ROR2: variants seen among roughly 807,000 people sequenced by gnomAD.
The protein encoded by ROR2 is tyrosine-protein kinase transmembrane receptor ROR2.
In ROR2, 33 loss-of-function variants were observed where a neutral mutation model predicts 74.9. The ratio of observed to expected loss-of-function variants is 0.44; its 90% CI spans 0.33 to 0.59. The LOEUF (loss-of-function observed/expected upper bound fraction) is 0.59, where lower values mean the gene tolerates loss of function less well. Ranked by LOEUF, ROR2 falls within the 20% of genes least tolerant of loss-of-function variation. ROR2 has a pLI of 0.02. For missense variants in ROR2, 1,216 were observed against 1,313.8 expected, an observed-to-expected ratio of 0.93 and a Z score of 1.15; for synonymous variants, 586 against 558.7, an observed-to-expected ratio of 1.05 and a Z score of -0.69.
chr9:91,796,436 G>GGA (rs1316230299), intron 1 of ROR2, among the ~76,000 whole-genome samples: 89 of 87,716 alleles, frequency 1.0e-3, no homozygotes, highest in African/African-American at 3.0e-3. Flanking sequence ...TTGTCCCAAG[G>GGA]AAAAAAAAAA....
intron 1 of ROR2, among the ~76,000 whole-genome samples, chr9:91,860,577 G>A (rs914359509): frequency 3.3e-5 from 5 of 152,292 alleles, no homozygotes; most frequent in African/African-American, 7.2e-5. Flanking sequence ...CTGGAGACCC[G>A]GGGATGCCGG....
At chr9:91,848,240 C>T (rs147476285) in intron 1 of ROR2, among the ~76,000 whole-genome samples, 1 of 152,318 alleles carries the variant, frequency 6.6e-6, no homozygotes, top group African/African-American at 2.4e-5. Flanking sequence ...TCCTGCGAAT[C>T]CCCTACCTTG....
chr9:91,879,303 T>C (rs1305375624), intron 1 of ROR2, among the ~76,000 whole-genome samples: 1 of 152,194 alleles, frequency 6.6e-6, no homozygotes, highest in Admixed American at 6.5e-5. Context: ...AAAGTGATGA[T>C]GTCCTTATAA....
At chr9:91,857,408 G>A (rs913358505) in intron 1 of ROR2, among the ~76,000 whole-genome samples, 1 of 152,212 alleles carries the variant, frequency 6.6e-6, no homozygotes, top group Non-Finnish European at 1.5e-5. Context: ...GCTTCGGCAG[G>A]ATTTTTACAC....
At chr9:91,759,408 ACTT>A (rs1316301170) in intron 2 of ROR2, among the ~76,000 whole-genome samples, 1 of 152,212 alleles carries the variant, frequency 6.6e-6, no homozygotes, top group Non-Finnish European at 1.5e-5. Flanking sequence ...TATAGAAGGT[ACTT>A]CTTATTGACA....
intron 1 of ROR2, among the ~76,000 whole-genome samples, chr9:91,890,980 G>A (rs1830405851): frequency 6.6e-6 from 1 of 152,028 alleles, no homozygotes; most frequent in Non-Finnish European, 1.5e-5. Context: ...TCCCAGAATT[G>A]CTGTTGTTCT....
At chr9:91,775,909 CA>C in intron 1 of ROR2, 91 bp from the exon 2 acceptor site, 1 of 988,302 alleles carries the variant, frequency 1.0e-6, no homozygotes, top group Admixed American at 2.0e-5. Context: ...AGCATTCTAG[CA>C]AAACTACCCA....
At chr9:91,764,534 T>G (rs1466820470) in intron 2 of ROR2, among the ~76,000 whole-genome samples, 1 of 146,906 alleles carries the variant, frequency 6.8e-6, no homozygotes, top group Non-Finnish European at 1.5e-5. Flanking sequence ...ACAAAAGACT[T>G]TAAATGCTAT....
intron 1 of ROR2, among the ~76,000 whole-genome samples, chr9:91,801,839 C>A (rs562423619): frequency 2.9e-4 from 44 of 152,182 alleles, no homozygotes; most frequent in Non-Finnish European, 5.1e-4. Flanking sequence ...TGAACATGAA[C>A]GGGCGGGCTC....
chr9:91,814,080 T>C (rs1377438513), intron 1 of ROR2, among the ~76,000 whole-genome samples: 1 of 152,088 alleles, frequency 6.6e-6, no homozygotes, highest in Non-Finnish European at 1.5e-5. Context: ...CCCAGTTACT[T>C]AGGAGGCTAA....
chr9:91,866,690 T>A (rs1829645183), intron 1 of ROR2, among the ~76,000 whole-genome samples: 1 of 152,138 alleles, frequency 6.6e-6, no homozygotes, highest in African/African-American at 2.4e-5. Flanking sequence ...AAAATTTAAA[T>A]TTTAAAATTT....
chr9:91,908,558 C>T (rs1007258819), intron 1 of ROR2, among the ~76,000 whole-genome samples: 7 of 152,146 alleles, frequency 4.6e-5, no homozygotes, highest in Non-Finnish European at 8.8e-5. Context: ...CAGGTACTTA[C>T]ACTATAGGAG....
intron 1 of ROR2, among the ~76,000 whole-genome samples, chr9:91,940,182 G>A (rs938596579): frequency 2.6e-5 from 4 of 152,248 alleles, no homozygotes; most frequent in Non-Finnish European, 5.9e-5. Context: ...ATTTCCAGCA[G>A]GGCTGGGTAT....
intron 4 of ROR2, 186 bp downstream of exon 4, chr9:91,755,885 C>A: frequency 1.5e-6 from 1 of 662,356 alleles, no homozygotes. Context: ...TTTTTCTGTA[C>A]AAGAAACATG....
intron 2 of ROR2, among the ~76,000 whole-genome samples, chr9:91,770,488 A>T (rs1826194087): frequency 2.6e-5 from 4 of 152,192 alleles, no homozygotes; most frequent in Admixed American, 2.6e-4. Context: ...TATTCTAAGG[A>T]AACAACAAGC....
chr9:91,748,713 T>C (rs1212971257), intron 4 of ROR2, among the ~76,000 whole-genome samples: 1 of 152,168 alleles, frequency 6.6e-6, no homozygotes, highest in African/African-American at 2.4e-5. Context: ...CGGGTCGTCA[T>C]GGAGAAAATT....
chr9:91,897,882 C>T (rs1830575193), intron 1 of ROR2, among the ~76,000 whole-genome samples: 2 of 152,162 alleles, frequency 1.3e-5, no homozygotes, highest in Admixed American at 1.3e-4. Context: ...ATTGCATCCA[C>T]CTGAGGATGT....
chr9:91,751,780 T>A (rs1224242904), intron 4 of ROR2, among the ~76,000 whole-genome samples: 1 of 152,110 alleles, frequency 6.6e-6, no homozygotes, highest in Admixed American at 6.5e-5. Context: ...ACAGGCAAGA[T>A]TCACAAAAAT....
At chr9:91,892,685 G>A (rs1830451167) in intron 1 of ROR2, among the ~76,000 whole-genome samples, 1 of 149,872 alleles carries the variant, frequency 6.7e-6, no homozygotes, top group Non-Finnish European at 1.5e-5. Flanking sequence ...CACCTCCCGG[G>A]TTCAAGCAAT....
Sources: allele counts gnomAD v4.1 joint callset (sites outside exome capture counted in the v4.1 genomes callset), GRCh38; gene constraint gnomAD v4.1.1; transcripts MANE v1.5; gene names NCBI Gene and HGNC (gene_info 2026-07-23, HGNC 2026-07-21).